The following SEL1L3 variants were observed in gnomAD, a reference collection of about 807,000 sequenced individuals.
SEL1L3 encodes protein sel-1 homolog 3.
Under a neutral mutation model 142.8 loss-of-function variants are expected in SEL1L3, and 76 were observed. The ratio of observed to expected loss-of-function variants is 0.53; its 90% CI spans 0.44 to 0.64. The LOEUF (loss-of-function observed/expected upper bound fraction) is 0.64. Ranked by LOEUF, SEL1L3 falls within the 30% of genes least tolerant of loss-of-function variation. The pLI, the probability that SEL1L3 is intolerant of heterozygous loss-of-function variation, is 0.00. For missense variants in SEL1L3, 1,262 were observed against 1,381.7 expected, an observed-to-expected ratio of 0.91 and a Z score of 1.37; for synonymous variants, 504 against 519.6, an observed-to-expected ratio of 0.97 and a Z score of 0.41.
chr4:25,720,821 C>T, the SEL1L3 span: 1 of 152,154 alleles, frequency 6.6e-6, no homozygotes, highest in Non-Finnish European at 1.5e-5. Context: ...GAAGTATCTG[C>T]TTTTGACTAC....
the SEL1L3 span, among the ~76,000 whole-genome samples, chr4:25,731,712 A>AT: frequency 6.6e-6 from 1 of 152,022 alleles, no homozygotes; most frequent in Non-Finnish European, 1.5e-5. Flanking sequence ...ATATACCATA[A>AT]TTTTTTTATC....
At chr4:25,765,245 C>T (rs138390378) in intron 20 of SEL1L3, 81 bp downstream of exon 20, 189 of 902,948 alleles carry the variant, frequency 2.1e-4, no homozygotes, top group Non-Finnish European at 2.8e-4. Context: ...CCGCCCCCGT[C>T]GGCCTCCCAA....
At chr4:25,833,235 A>C in intron 4 of SEL1L3, 125 bp from the exon 5 acceptor site, 2 of 720,612 alleles carry the variant, frequency 2.8e-6, no homozygotes, top group South Asian at 3.5e-5. Flanking sequence ...GCAAAACCCA[A>C]ACACGCATTT....
chr4:25,822,072 C>A lies in SEL1L3; in HGVS notation c.1214G>T (p.Ser405Ile). 6.2e-7 allele frequency: 1 copy of A among 1,613,928 alleles called. No homozygotes were observed. Among genetic ancestry groups the A allele is most frequent in the Non-Finnish European group, 8.5e-7 (1 of 1,179,856 alleles). ...DTAGYFIIGGSRYVAGIEGFF... is the reference protein window; with the variant it reads ...DTAGYFIIGGIRYVAGIEGFF... ...CCCTTCAATGCCAGCCACATACCTG[C>A]TCCCTCCAATAATGAAGTACCCAGC... is the stretch of plus-strand genomic sequence containing the variant. The change falls in exon 7 of 24, where the codon AGC (serine) becomes ATC (isoleucine). Residue 405 changes from serine to isoleucine, a missense_variant. Physicochemically the swap from Ser to Ile is moderately radical, Grantham distance 142 (BLOSUM62 -2). Around this residue, in one of 3 missense-constraint regions of SEL1L3, gnomAD observed 689 missense variants for 692.8 expected, o/e 0.99. Coordinates refer to ENST00000399878, the MANE Select transcript of SEL1L3 (RefSeq NM_015187.5).
chr4:25,716,564 T>C, the SEL1L3 span, among the ~76,000 whole-genome samples: 3 of 152,196 alleles, frequency 2.0e-5, no homozygotes, highest in African/African-American at 4.8e-5. Flanking sequence ...TCCATTGATA[T>C]ATTATTTGTA....
At chr4:25,756,362 A>G (rs1717958809) in intron 23 of SEL1L3, 1 of 985,298 alleles carries the variant, frequency 1.0e-6, no homozygotes, top group Admixed American at 6.1e-5. Flanking sequence ...TACTCAGCTT[A>G]TGGTCTAATA....
At chr4:25,787,881 T>C (rs1233343970) in intron 13 of SEL1L3, among the ~76,000 whole-genome samples, 1 of 152,154 alleles carries the variant, frequency 6.6e-6, no homozygotes, top group Non-Finnish European at 1.5e-5. Context: ...GTTTAAGCTG[T>C]AATTAAAAGA....
chr4:25,810,631 G>T (rs374853636), intron 9 of SEL1L3, among the ~76,000 whole-genome samples: 32 of 152,322 alleles, frequency 2.1e-4, no homozygotes, highest in Admixed American at 7.2e-4. Context: ...TAGAGAATTG[G>T]AGGTTCCCCA....
chr4:25,751,702 T>C (rs973602893), intron 23 of SEL1L3, among the ~76,000 whole-genome samples: 6 of 149,842 alleles, frequency 4.0e-5, no homozygotes, highest in African/African-American at 1.5e-4. Flanking sequence ...ATTCTTTATA[T>C]ATATAAGTAT....
rs35927722 is a variant in SEL1L3, at chr4:25,776,363, G to GAA, written c.2586-5_2586-4dup. 3.2e-5 allele frequency: 44 copies of GAA among 1,396,606 alleles called. No individual in the cohort carries two copies. The highest frequency in any genetic ancestry group is 6.7e-5 in the South Asian group (5 of 74,372). The allele number at this position is 1,396,606 out of a possible 1,614,324, so 86.5% of individuals were successfully genotyped here. On this transcript the variant is annotated splice_region_variant and splice_polypyrimidine_tract_variant and intron_variant, in intron 16 of 23. Coordinates refer to ENST00000399878, the MANE Select transcript of SEL1L3 (RefSeq NM_015187.5). ...TCTCAGCTACATGTTTTGCCCATCT[G>GAA]AAAAAAAAAAGGGAAGAGAAAATAC... is the stretch of plus-strand genomic sequence containing the variant.
At chr4:25,805,871 T>C (rs1303000177) in intron 9 of SEL1L3, among the ~76,000 whole-genome samples, 1 of 152,356 alleles carries the variant, frequency 6.6e-6, no homozygotes, top group Middle Eastern at 3.4e-3. Flanking sequence ...ACTTAGGATG[T>C]GAGTTAAATG....
chr4:25,739,968 AATTT>A, the SEL1L3 span, among the ~76,000 whole-genome samples: 2 of 151,494 alleles, frequency 1.3e-5, no homozygotes, highest in Middle Eastern at 3.4e-3. Flanking sequence ...TTAATTAATT[AATTT>A]ATTTAATAGA....
intron 1 of SEL1L3, among the ~76,000 whole-genome samples, chr4:25,850,422 C>G (rs1716804706): frequency 6.6e-6 from 1 of 152,108 alleles, no homozygotes; most frequent in African/African-American, 2.4e-5. Context: ...TTGCAAAGAT[C>G]AAAAAGTCAG....
chr4:25,818,131 CA>C lies in SEL1L3; in HGVS notation c.1564+6del. 1.2e-6 allele frequency: 2 copies of C among 1,610,414 alleles called. No individual in the cohort carries two copies. The highest frequency in any genetic ancestry group is 1.7e-6 in the Non-Finnish European group (2 of 1,178,392). ...AGCGCCTAAAGCCGAGGCAAAGACT[CA>C]ATTACCGGTCAGCAGATCCATCTCC... On this transcript the variant is annotated splice_donor_region_variant and intron_variant, in intron 9 of 23. Transcript: ENST00000399878.
intron 1 of SEL1L3, among the ~76,000 whole-genome samples, chr4:25,852,735 T>A (rs2109318053): frequency 6.6e-6 from 1 of 152,334 alleles, no homozygotes; most frequent in African/African-American, 2.4e-5. Context: ...ACTTTGTTCT[T>A]TCCCAAAGAA....
In SEL1L3 at chr4:25,804,524, G is replaced by A. The variant is rs1408082914; in HGVS notation, c.1776+17C>T. 6.4e-7 allele frequency: 1 copy of A among 1,558,230 alleles called. No individual in the cohort carries two copies. Among genetic ancestry groups the A allele is most frequent in the East Asian group, 2.3e-5 (1 of 44,300 alleles). On this transcript the variant is annotated intron_variant, in intron 10 of 23. Transcript: ENST00000399878. ...AATGCAAGTGACTGATGTTAATGGA[G>A]CAATGAAATACTCTACCTGCAGCTG...
At chr4:25,782,941 C>T (rs527397402) in intron 14 of SEL1L3, among the ~76,000 whole-genome samples, 96 of 152,192 alleles carry the variant, frequency 6.3e-4, no homozygotes, top group Non-Finnish European at 1.2e-3. Context: ...ACAGTGGGTT[C>T]AGGGTCTGGG....
chr4:25,730,651 T>C, the SEL1L3 span, among the ~76,000 whole-genome samples: 6 of 152,164 alleles, frequency 3.9e-5, no homozygotes, highest in Non-Finnish European at 7.3e-5. Context: ...TAGTCCCTTC[T>C]CTTGGTTTTG....
chr4:25,832,718 T>A (rs1715524250), intron 5 of SEL1L3, among the ~76,000 whole-genome samples: 1 of 152,250 alleles, frequency 6.6e-6, no homozygotes, highest in African/African-American at 2.4e-5. Context: ...AAGGACTGAC[T>A]TGCTCAGATC....
Sources: allele counts gnomAD v4.1 joint callset (sites outside exome capture counted in the v4.1 genomes callset), GRCh38; gene constraint gnomAD v4.1.1; regional missense constraint gnomAD v4.1.1; transcripts MANE v1.5; gene names NCBI Gene and HGNC (gene_info 2026-07-23, HGNC 2026-07-21).